The following STPG2 variants were observed in gnomAD, a reference collection of about 807,000 sequenced individuals.
STPG2 encodes the protein sperm tail PG-rich repeat containing 2, also known as sperm-tail PG-rich repeat-containing protein 2.
STPG2 carries 56 observed loss-of-function variants against 54.2 expected under a neutral mutation model. The ratio of observed to expected loss-of-function variants is 1.03; its 90% CI spans 0.83 to 1.29. The LOEUF (loss-of-function observed/expected upper bound fraction) is 1.29, where lower values mean the gene tolerates loss of function less well. STPG2 is among the 50% of genes most tolerant of loss of function. The probability of loss-of-function intolerance (pLI) is 0.00; values close to 1 mark genes in which losing one functional copy is unlikely to be tolerated. For synonymous variants in STPG2, 200 were observed against 181.8 expected, an observed-to-expected ratio of 1.10 and a Z score of -0.81; for missense variants, 596 against 544.9, an observed-to-expected ratio of 1.09 and a Z score of -0.93.
chr4:97,969,286 A>G (rs909421602), intron 7 of STPG2, among the ~76,000 whole-genome samples: 6 of 152,204 alleles, frequency 3.9e-5, no homozygotes, highest in Non-Finnish European at 7.3e-5. Context: ...TTGCTGATGC[A>G]CACACTATGT....
intron 4 of STPG2, among the ~76,000 whole-genome samples, chr4:97,508,797 T>C (rs1730907671): frequency 6.6e-6 from 1 of 152,068 alleles, no homozygotes; most frequent in Non-Finnish European, 1.5e-5. Flanking sequence ...AATTTACCTA[T>C]TAAAAATAAT....
intron 8 of STPG2, among the ~76,000 whole-genome samples, chr4:97,923,592 C>A (rs1732214033): frequency 6.6e-6 from 1 of 152,178 alleles, no homozygotes; most frequent in Non-Finnish European, 1.5e-5. Context: ...TCAATCAGCA[C>A]TCTGTGTCTA....
chr4:97,802,565 G>A (rs758407098), intron 9 of STPG2, among the ~76,000 whole-genome samples: 10 of 152,022 alleles, frequency 6.6e-5, no homozygotes, highest in Admixed American at 2.0e-4. Flanking sequence ...CCATCTCCCA[G>A]GTTCAAGTGA....
At chr4:97,600,838 G>C (rs1005375186) in intron 10 of STPG2, among the ~76,000 whole-genome samples, 2 of 152,036 alleles carry the variant, frequency 1.3e-5, no homozygotes. Context: ...CAGTACTTTG[G>C]GGCACAGCTA....
At chr4:97,775,557 A>G (rs111469522) in intron 9 of STPG2, among the ~76,000 whole-genome samples, 29 of 152,350 alleles carry the variant, frequency 1.9e-4, no homozygotes, top group Non-Finnish European at 3.4e-4. Flanking sequence ...CTCTGCCTCT[A>G]TGAAATTCAT....
chr4:97,520,606 G>A (rs1469693820), intron 4 of STPG2, among the ~76,000 whole-genome samples: 3 of 152,016 alleles, frequency 2.0e-5, no homozygotes, highest in Admixed American at 6.6e-5. Flanking sequence ...ATCTTTTTAA[G>A]TTCCTGGTCT....
chr4:97,449,228 T>A (rs917420264), intron 4 of STPG2, among the ~76,000 whole-genome samples: 13 of 152,314 alleles, frequency 8.5e-5, no homozygotes, highest in African/African-American at 3.1e-4. Context: ...TTTTTGCATG[T>A]ATTAATATCA....
chr4:97,522,599 AAC>A (rs1731205415), intron 4 of STPG2, among the ~76,000 whole-genome samples: 1 of 152,060 alleles, frequency 6.6e-6, no homozygotes, highest in Non-Finnish European at 1.5e-5. Context: ...CATTTATAAT[AAC>A]ACAAATTTTA....
intron 5 of STPG2, among the ~76,000 whole-genome samples, chr4:98,103,439 C>G (rs1309682359): frequency 6.6e-6 from 1 of 151,806 alleles, no homozygotes; most frequent in African/African-American, 2.4e-5. Context: ...GTCAGGAGTT[C>G]GAGACCAGCC....
At chr4:97,782,194 G>A (rs900016675) in intron 9 of STPG2, among the ~76,000 whole-genome samples, 12 of 152,128 alleles carry the variant, frequency 7.9e-5, no homozygotes, top group Non-Finnish European at 2.9e-5. Context: ...CATCATCTCA[G>A]CCCAAAATCT....
intron 5 of STPG2, among the ~76,000 whole-genome samples, chr4:98,051,561 T>C (rs1423139496): frequency 1.3e-5 from 2 of 152,076 alleles, no homozygotes; most frequent in African/African-American, 2.4e-5. Flanking sequence ...CTTTCCACCA[T>C]ATTATGATAT....
intron 10 of STPG2, among the ~76,000 whole-genome samples, chr4:97,573,397 C>T (rs1263133158): frequency 1.3e-5 from 2 of 151,748 alleles, no homozygotes; most frequent in African/African-American, 4.8e-5. Context: ...CTGTCAGATG[C>T]CTAAAGTCAA....
At chr4:98,137,873 A>T (rs535046247) in intron 1 of STPG2, among the ~76,000 whole-genome samples, 1 of 152,090 alleles carries the variant, frequency 6.6e-6, no homozygotes, top group East Asian at 1.9e-4. Flanking sequence ...AAGTTTTCCA[A>T]AATTAATTAT....
At chr4:97,580,567 TCA>T (rs970060668) in intron 10 of STPG2, among the ~76,000 whole-genome samples, 2 of 150,638 alleles carry the variant, frequency 1.3e-5, no homozygotes, top group African/African-American at 4.9e-5. Context: ...TCTCTCCCTC[TCA>T]CACACACACA....
chr4:97,835,793 C>G (rs998473558), intron 9 of STPG2, among the ~76,000 whole-genome samples: 2 of 151,972 alleles, frequency 1.3e-5, no homozygotes, highest in African/African-American at 4.8e-5. Context: ...AAGATGAACA[C>G]AAACAGAAGT....
chr4:98,067,638 C>A (rs931191483), intron 5 of STPG2, among the ~76,000 whole-genome samples: 4 of 152,102 alleles, frequency 2.6e-5, no homozygotes, highest in African/African-American at 9.7e-5. Context: ...TACTTTATAT[C>A]TTGAAAGAAC....
intron 2 of STPG2, among the ~76,000 whole-genome samples, chr4:98,130,896 T>TGGGAGACAGA (rs1739969741): frequency 8.4e-6 from 1 of 119,532 alleles, no homozygotes; most frequent in Admixed American, 1.2e-4. Context: ...CACTCCAGCC[T>TGGGAGACAGA]GGGAGACAGA....
chr4:97,598,371 A>AG (rs1459032422), intron 10 of STPG2, among the ~76,000 whole-genome samples: 1 of 142,952 alleles, frequency 7.0e-6, no homozygotes, highest in Non-Finnish European at 1.5e-5. Flanking sequence ...TCACGGAATT[A>AG]GAAAAAAAAA....
rs886117769 is a variant in STPG2, at chr4:97,659,061, A to T, written c.1320+53638T>A. Reference sequence around the variant, plus strand: ...TTTGATTCCTACAGTAAATATTAATAGGTATAATCCATATAAAGAAAAGCT... The same window carrying T: ...TTTGATTCCTACAGTAAATATTAATTGGTATAATCCATATAAAGAAAAGCT... On this transcript the variant is annotated intron_variant, in intron 10 of 10. Transcript: ENST00000295268. Among the ~76,000 whole-genome samples, 6 of 152,192 alleles carry T rather than the reference A, an allele frequency of 3.9e-5. No homozygotes were observed. The South Asian group carries it at 8.3e-4, about 21-fold the overall frequency.
Sources: gnomAD v4.1 joint callset for allele counts (sites outside exome capture counted in the v4.1 genomes callset) on GRCh38, gnomAD v4.1.1 for gene constraint, MANE v1.5 for transcripts, NCBI Gene and HGNC (gene_info 2026-07-23, HGNC 2026-07-21) for gene names.